The following ADAMTS6 variants were observed in gnomAD, a reference collection of about 807,000 sequenced individuals.
ADAMTS6 encodes A disintegrin and metalloproteinase with thrombospondin motifs 6.
A neutral mutation model predicts 144.3 loss-of-function variants in ADAMTS6; 23 were observed. The ratio of observed to expected loss-of-function variants is 0.16; its 90% CI spans 0.11 to 0.23. The LOEUF (loss-of-function observed/expected upper bound fraction) is 0.23, where lower values mean the gene tolerates loss of function less well. ADAMTS6 is among the 10% of genes least tolerant of loss of function. The pLI is 1.00. For synonymous variants in ADAMTS6, 444 were observed against 457.5 expected (o/e 0.97, Z 0.38); for missense variants, 999 against 1,379.6 (o/e 0.72, Z 4.37).
At chr5:65,169,955 G>A (rs1753503964) in intron 24 of ADAMTS6, among the ~76,000 whole-genome samples, 1 of 151,496 alleles carries the variant, frequency 6.6e-6, no homozygotes, top group Admixed American at 6.6e-5. Context: ...GTTAGTGGGT[G>A]CAGCGCACCA....
At chr5:65,248,904 A>G (rs558816498) in intron 14 of ADAMTS6, among the ~76,000 whole-genome samples, 2 of 152,304 alleles carry the variant, frequency 1.3e-5, no homozygotes, top group South Asian at 2.1e-4. Context: ...CTCAAAACAT[A>G]ATAAATACAA....
intron 10 of ADAMTS6, among the ~76,000 whole-genome samples, chr5:65,295,953 A>T (rs1029881278): frequency 6.6e-6 from 1 of 152,100 alleles, no homozygotes; most frequent in Non-Finnish European, 1.5e-5. Context: ...TTCGGTCATC[A>T]GCAAAAATTT....
At chr5:65,167,404 CAA>C (rs1463540386) in intron 24 of ADAMTS6, among the ~76,000 whole-genome samples, 1 of 152,008 alleles carries the variant, frequency 6.6e-6, no homozygotes, top group Non-Finnish European at 1.5e-5. Flanking sequence ...GTTTACCAAC[CAA>C]AAAGAGTCCA....
intron 7 of ADAMTS6, among the ~76,000 whole-genome samples, chr5:65,380,092 A>T (rs1369000047): frequency 6.6e-6 from 1 of 152,156 alleles, no homozygotes; most frequent in East Asian, 1.9e-4. Flanking sequence ...AGTTACACCA[A>T]GAAAATATAA....
chr5:65,161,473 A>ATGGC (rs1752775344), intron 24 of ADAMTS6, among the ~76,000 whole-genome samples: 1 of 152,192 alleles, frequency 6.6e-6, no homozygotes. Flanking sequence ...TGTTATATAG[A>ATGGC]TGGCTTACTG....
At chr5:65,373,628 C>T (rs1390020270) in intron 7 of ADAMTS6, among the ~76,000 whole-genome samples, 1 of 152,024 alleles carries the variant, frequency 6.6e-6, no homozygotes, top group Admixed American at 6.6e-5. Flanking sequence ...AGCTTACCAA[C>T]CAAAAAGAGT....
chr5:65,398,675 G>A (rs2032116987), intron 7 of ADAMTS6, among the ~76,000 whole-genome samples: 1 of 151,786 alleles, frequency 6.6e-6, no homozygotes. Flanking sequence ...TTGCACCACT[G>A]CACTCCAGTC....
At chr5:65,477,915 G>A (rs1330817344) in intron 1 of ADAMTS6, among the ~76,000 whole-genome samples, 1 of 151,952 alleles carries the variant, frequency 6.6e-6, no homozygotes, top group Non-Finnish European at 1.5e-5. Flanking sequence ...ATCACCTGAG[G>A]TCAGGAGTTT....
chr5:65,466,029 A>T (rs1759971010), intron 3 of ADAMTS6, among the ~76,000 whole-genome samples: 1 of 152,122 alleles, frequency 6.6e-6, no homozygotes, highest in Admixed American at 6.5e-5. Context: ...CCTATACAAC[A>T]TCTCACGTTT....
intron 7 of ADAMTS6, among the ~76,000 whole-genome samples, chr5:65,439,454 G>A (rs1249279044): frequency 6.6e-6 from 1 of 151,988 alleles, no homozygotes; most frequent in Non-Finnish European, 1.5e-5. Flanking sequence ...GTATTTAAAA[G>A]GACATAATGT....
At chr5:65,338,714 A>G (rs1317598504) in intron 7 of ADAMTS6, among the ~76,000 whole-genome samples, 4 of 151,864 alleles carry the variant, frequency 2.6e-5, no homozygotes, top group African/African-American at 9.7e-5. Flanking sequence ...CCTGCAGCAG[A>G]CACCCACCCA....
At chr5:65,270,878 G>C (rs538656038) in intron 12 of ADAMTS6, among the ~76,000 whole-genome samples, 1 of 152,146 alleles carries the variant, frequency 6.6e-6, no homozygotes, top group Non-Finnish European at 1.5e-5. Context: ...CAAAGACAGG[G>C]TAAAGGGCAG....
rs545631548 is a variant in ADAMTS6, at chr5:65,168,134, C to T, written c.3244+2483G>A. On this transcript the variant is annotated intron_variant, in intron 24 of 24. Coordinates refer to ENST00000381055, the MANE Select transcript of ADAMTS6 (RefSeq NM_197941.4). ...CGACATGATTGTTTATCTAGAAAAC[C>T]CCATCATCTCAGCCCAAAATCTCCT... is the stretch of plus-strand genomic sequence containing the variant. Among the ~76,000 whole-genome samples, 513 of 150,250 alleles carry T rather than the reference C, an allele frequency of 3.4e-3. 3 individuals are homozygous for T. The highest frequency in any genetic ancestry group is 0.012 in the African/African-American group (480 of 40,876).
At chr5:65,477,101 C>T (rs576178544) in intron 1 of ADAMTS6, among the ~76,000 whole-genome samples, 34 of 152,220 alleles carry the variant, frequency 2.2e-4, no homozygotes, top group African/African-American at 7.9e-4. Context: ...AGAAGAATTC[C>T]ATTATCTTGG....
At chr5:65,419,793 G>C (rs58601920) in intron 7 of ADAMTS6, among the ~76,000 whole-genome samples, 27,152 of 152,108 alleles carry the variant, frequency 0.18, 3,209 homozygotes, top group African/African-American at 0.34. Flanking sequence ...TATGCAAATT[G>C]ATAGAGAAAT....
intron 7 of ADAMTS6, among the ~76,000 whole-genome samples, chr5:65,362,631 T>C (rs996384356): frequency 6.6e-6 from 1 of 152,180 alleles, no homozygotes; most frequent in East Asian, 1.9e-4. Context: ...GCTTGAAGAG[T>C]ACTCTACATG....
rs369604936 is a variant in ADAMTS6, at chr5:65,306,467, AT to A, written c.1224-6337del. 9.6e-3 allele frequency among the ~76,000 whole-genome samples: 1,462 copies of A among 151,716 alleles called. 25 individuals are homozygous for A. Among genetic ancestry groups the A allele is most frequent in the African/African-American group, 0.03 (1,249 of 41,386 alleles). On this transcript the variant is annotated intron_variant, in intron 9 of 24. Coordinates refer to ENST00000381055, the MANE Select transcript of ADAMTS6 (RefSeq NM_197941.4). ...CACAATCAGTGCAAATATCAATATA[AT>A]TTTTTTTTAAGGCAAATGAGGTGTT...
chr5:65,418,031 A>G (rs1160749872), intron 7 of ADAMTS6, among the ~76,000 whole-genome samples: 1 of 152,084 alleles, frequency 6.6e-6, no homozygotes, highest in Non-Finnish European at 1.5e-5. Flanking sequence ...CACCTAGATC[A>G]ATGGAATAGA....
At chr5:65,422,644 A>C (rs1756162717) in intron 7 of ADAMTS6, among the ~76,000 whole-genome samples, 1 of 89,450 alleles carries the variant, frequency 1.1e-5, no homozygotes, top group Non-Finnish European at 2.1e-5. Context: ...AAATAAAAAA[A>C]TTAAAAAATT....
Sources: gnomAD v4.1 joint callset for allele counts (sites outside exome capture counted in the v4.1 genomes callset) on GRCh38, gnomAD v4.1.1 for gene constraint, MANE v1.5 for transcripts, NCBI Gene and HGNC (gene_info 2026-07-23, HGNC 2026-07-21) for gene names.